The following SAMD4A variants were observed in gnomAD, a reference collection of about 807,000 sequenced individuals.
The protein encoded by SAMD4A is sterile alpha motif domain containing 4A, also known as protein Smaug homolog 1.
SAMD4A carries 33 observed loss-of-function variants against 81.3 expected under a neutral mutation model. The ratio of observed to expected loss-of-function variants is 0.41; its 90% confidence interval spans 0.31 to 0.54. SAMD4A has a LOEUF of 0.54. SAMD4A is among the 20% of genes least tolerant of loss of function. SAMD4A has a pLI of 0.37. For missense variants in SAMD4A, 854 were observed against 951.1 expected (o/e 0.90, Z 1.34); for synonymous variants, 389 against 382.1 (o/e 1.02, Z -0.21).
chr14:54,656,992 C>A (rs1183420580), intron 2 of SAMD4A, among the ~76,000 whole-genome samples: 1 of 152,126 alleles, frequency 6.6e-6, no homozygotes, highest in South Asian at 2.1e-4. Flanking sequence ...TCCTCTCCCA[C>A]CCCGCCGGAG....
At chr14:54,783,518 T>C (rs891163710) in intron 11 of SAMD4A, among the ~76,000 whole-genome samples, 5 of 152,282 alleles carry the variant, frequency 3.3e-5, no homozygotes, top group South Asian at 2.1e-4. Context: ...GTGGTGAGAA[T>C]GTGCACAGCA....
At chr14:54,764,368 T>C (rs2139879837) in intron 7 of SAMD4A, 87 bp from the exon 8 acceptor site, 1 of 864,606 alleles carries the variant, frequency 1.2e-6, no homozygotes, top group Non-Finnish European at 1.9e-6. Flanking sequence ...CCTCTCAGAG[T>C]GTTGGACCTG....
At chr14:54,763,155 G>A (rs1331256422) in intron 7 of SAMD4A, among the ~76,000 whole-genome samples, 6 of 151,332 alleles carry the variant, frequency 4.0e-5, no homozygotes, top group African/African-American at 7.3e-5. Flanking sequence ...GCGCCCAGCC[G>A]AATATTCACT....
At chr14:54,788,227 G>A (rs751267148) in intron 12 of SAMD4A, among the ~76,000 whole-genome samples, 42 of 152,174 alleles carry the variant, frequency 2.8e-4, no homozygotes, top group Non-Finnish European at 5.6e-4. Flanking sequence ...GCTCAGCTGT[G>A]GACAGGGTCA....
rs1392807756 is a variant in SAMD4A at position 54,572,687 on chromosome 14, C to G, written c.196+4575C>G. ...GTACAGATTTTTAAATCAGCCTGGG[C>G]TAGTTAAATAATTTCTAAGCCTCAG... On this transcript the variant is annotated intron_variant, in intron 2 of 12. Transcript: ENST00000554335. Among the ~76,000 whole-genome samples, 3 of 152,158 alleles carry G rather than the reference C, an allele frequency of 2.0e-5. No individual in the cohort carries two copies. The South Asian group carries it at 6.2e-4, about 32-fold the overall frequency.
intron 2 of SAMD4A, among the ~76,000 whole-genome samples, chr14:54,597,065 G>C (rs1459600695): frequency 2.0e-5 from 3 of 150,622 alleles, no homozygotes; most frequent in Non-Finnish European, 4.4e-5. Context: ...CCATATATCT[G>C]TATTAGCTTT....
chr14:54,699,021 A>G (rs1482787250), intron 2 of SAMD4A, among the ~76,000 whole-genome samples: 1 of 151,950 alleles, frequency 6.6e-6, no homozygotes, highest in African/African-American at 2.4e-5. Flanking sequence ...CCTCAGCCTC[A>G]TGAATTTTTT....
At chr14:54,621,166 A>C (rs78453305) in intron 2 of SAMD4A, among the ~76,000 whole-genome samples, 12 of 151,940 alleles carry the variant, frequency 7.9e-5, no homozygotes, top group African/African-American at 2.9e-4. Context: ...GTGCATTTCA[A>C]CTCCCTGATT....
intron 11 of SAMD4A, among the ~76,000 whole-genome samples, chr14:54,780,686 C>T (rs563376890): frequency 1.3e-5 from 2 of 152,344 alleles, no homozygotes; most frequent in Non-Finnish European, 1.5e-5. Context: ...TGAGCATCAA[C>T]TTGGGGCAAG....
rs117223445 is a variant in SAMD4A, at chr14:54,720,920, T to C, written c.716-16104T>C. ...GGGCACACACACCACCTTTCTCAGG[T>C]CTTCTGAGCCAGTTCCCTCATGTCC... On this transcript the variant is annotated intron_variant, in intron 3 of 12. Transcript: ENST00000554335. Among the ~76,000 whole-genome samples the C allele has an allele frequency of 4.8e-4, 73 of 152,176 alleles. No individual in the cohort carries two copies. In the East Asian group the frequency reaches 0.012, roughly 26 times the overall value.
At chr14:54,707,301 C>A (rs947250581) in intron 3 of SAMD4A, among the ~76,000 whole-genome samples, 1 of 151,396 alleles carries the variant, frequency 6.6e-6, no homozygotes, top group Non-Finnish European at 1.5e-5. Flanking sequence ...ACAGGGTCTC[C>A]CTGTGTTGCC....
intron 2 of SAMD4A, among the ~76,000 whole-genome samples, chr14:54,664,908 G>A (rs1459431697): frequency 6.6e-6 from 1 of 151,442 alleles, no homozygotes; most frequent in Non-Finnish European, 1.5e-5. Context: ...AGATAGTTCA[G>A]GAAAACACTT....
intron 2 of SAMD4A, among the ~76,000 whole-genome samples, chr14:54,569,339 C>T (rs930503989): frequency 2.6e-5 from 4 of 152,168 alleles, no homozygotes; most frequent in African/African-American, 9.7e-5. Context: ...GGTGAAAACA[C>T]TAGAATGGGA....
chr14:54,636,623 G>C (rs1443914291), intron 2 of SAMD4A, among the ~76,000 whole-genome samples: 1 of 152,184 alleles, frequency 6.6e-6, no homozygotes, highest in African/African-American at 2.4e-5. Flanking sequence ...AGTGTAACTG[G>C]TGAAAGTGGT....
intron 5 of SAMD4A, 72 bp from the exon 6 acceptor site, chr14:54,751,379 G>C: frequency 9.8e-7 from 1 of 1,024,344 alleles, no homozygotes; most frequent in South Asian, 1.5e-5. Flanking sequence ...AAGCCTCCAA[G>C]AATCTGTAAG....
chr14:54,750,117 G>A (rs532511170), intron 5 of SAMD4A, among the ~76,000 whole-genome samples: 1 of 152,220 alleles, frequency 6.6e-6, no homozygotes, highest in African/African-American at 2.4e-5. Context: ...TTTTGTGTTT[G>A]GGTCAGAGTT....
chr14:54,778,434 C>T (rs1171588067), intron 11 of SAMD4A, among the ~76,000 whole-genome samples: 2 of 152,156 alleles, frequency 1.3e-5, no homozygotes, highest in Non-Finnish European at 2.9e-5. Flanking sequence ...TTCATGCAAA[C>T]CCTCTTGTTC....
chr14:54,703,868 A>C (rs1360268319), intron 3 of SAMD4A: 2 of 151,990 alleles, frequency 1.3e-5, no homozygotes, highest in Non-Finnish European at 2.9e-5. Flanking sequence ...GTCTCAGAAG[A>C]GAAAAAAAAA....
At chr14:54,568,710 TA>T (rs1408119373) in intron 2 of SAMD4A, among the ~76,000 whole-genome samples, 2 of 116,706 alleles carry the variant, frequency 1.7e-5, no homozygotes, top group African/African-American at 6.3e-5. Flanking sequence ...TATATATATA[TA>T]TATATATATA....
Sources: allele counts gnomAD v4.1 joint callset (sites outside exome capture counted in the v4.1 genomes callset), GRCh38; gene constraint gnomAD v4.1.1; transcripts MANE v1.5; gene names NCBI Gene and HGNC (gene_info 2026-07-23, HGNC 2026-07-21).